Variants in NTF3 observed in about 807,000 individuals in gnomAD.
The protein encoded by NTF3 is neurotrophin-3.
In NTF3, 8 loss-of-function variants were observed where a neutral mutation model predicts 26.3. The observed-to-expected ratio is 0.30, with a 90% CI of 0.18 to 0.55. The LOEUF (loss-of-function observed/expected upper bound fraction) is 0.55. Ranked by LOEUF, NTF3 falls within the 20% of genes least tolerant of loss-of-function variation. The probability of loss-of-function intolerance (pLI) is 0.93; values close to 1 mark genes in which losing one functional copy is unlikely to be tolerated. For synonymous variants in NTF3, 154 were observed against 145.5 expected (o/e 1.06, Z -0.42); for missense variants, 276 against 352.9 (o/e 0.78, Z 1.75).
chr12:5,481,629 A>T (rs562644521), intron 1 of NTF3, among the ~76,000 whole-genome samples: 88 of 86,512 alleles, frequency 1.0e-3, no homozygotes, highest in Admixed American at 7.2e-3. Context: ...ATACACATAC[A>T]TGCACACATA....
chr12:5,492,881 G>A (rs1219303873), intron 1 of NTF3, among the ~76,000 whole-genome samples: 5 of 152,198 alleles, frequency 3.3e-5, no homozygotes, highest in Admixed American at 2.0e-4. Context: ...TCTTGTGTCG[G>A]CTTTGTTTAT....
intron 1 of NTF3, among the ~76,000 whole-genome samples, chr12:5,474,859 G>C (rs1240398825): frequency 2.0e-5 from 3 of 152,170 alleles, no homozygotes; most frequent in African/African-American, 7.2e-5. Context: ...TGGGGGCAGG[G>C]AAGAAAGGAA....
chr12:5,475,743 G>A (rs2121220323), intron 1 of NTF3, among the ~76,000 whole-genome samples: 1 of 152,140 alleles, frequency 6.6e-6, no homozygotes, highest in African/African-American at 2.4e-5. Flanking sequence ...GCTGAGGTGG[G>A]AGGCATCACC....
In NTF3 at chr12:5,494,115, C is replaced by T; in HGVS notation, c.19-79C>T. On this transcript the variant is annotated intron_variant, in intron 1 of 1. Coordinates refer to ENST00000423158, the MANE Select transcript of NTF3 (RefSeq NM_001102654.2). The surrounding 1 kb of genome is among the most constrained non-coding windows in gnomAD (Gnocchi z 8.3). ...TCTCTCGTGCCCTCACAGGGCTACT[C>T]AGCCTCAGGTAGCTGGTGCCAGAAT... 1 of 1,426,002 alleles carries T rather than the reference C, an allele frequency of 7.0e-7. No homozygotes were observed. Among genetic ancestry groups the T allele is most frequent in the Non-Finnish European group, 9.6e-7 (1 of 1,039,452 alleles). The allele number at this position is 1,426,002 out of a possible 1,614,324, so 88.3% of individuals were successfully genotyped here.
chr12:5,441,275 G>A (rs933561300), intron 1 of NTF3, among the ~76,000 whole-genome samples: 10 of 152,148 alleles, frequency 6.6e-5, no homozygotes, highest in African/African-American at 1.9e-4. Context: ...TGAGAATTGG[G>A]AGCTAGTAGA....
intron 1 of NTF3, among the ~76,000 whole-genome samples, chr12:5,476,532 G>A (rs1218902058): frequency 6.6e-6 from 1 of 152,220 alleles, no homozygotes; most frequent in Non-Finnish European, 1.5e-5. Context: ...TGTCTGCTGG[G>A]AGAATAGATG....
intron 1 of NTF3, among the ~76,000 whole-genome samples, chr12:5,475,150 C>T (rs1040144958): frequency 2.0e-5 from 3 of 152,070 alleles, no homozygotes; most frequent in African/African-American, 7.2e-5. Flanking sequence ...GTCATATCCT[C>T]AGATGAGAAG....
At chr12:5,431,433 ACGCCCCTCTAC>A (rs1940085100), upstream of NTF3, among the ~76,000 whole-genome samples, 1 of 151,692 alleles carries the variant, frequency 6.6e-6, no homozygotes, top group African/African-American at 2.4e-5. Flanking sequence ...ACCCGCCCCC[ACGCCCCTCTAC>A]CTTGACCTCC....
intron 1 of NTF3, among the ~76,000 whole-genome samples, chr12:5,439,109 G>C (rs1289954011): frequency 6.6e-6 from 1 of 152,196 alleles, no homozygotes; most frequent in African/African-American, 2.4e-5. Context: ...TTTCTGGTAG[G>C]TCTGATGCTA....
At chr12:5,447,442 A>G (rs1016028409) in intron 1 of NTF3, among the ~76,000 whole-genome samples, 17 of 152,222 alleles carry the variant, frequency 1.1e-4, no homozygotes, top group African/African-American at 3.6e-4. Flanking sequence ...TCTTCAGGCT[A>G]TTTCTGCCTT....
chr12:5,481,638 T>TACTC (rs56249270), intron 1 of NTF3, among the ~76,000 whole-genome samples: 18,845 of 140,760 alleles, frequency 0.13, 1,487 homozygotes, highest in African/African-American at 0.22. Flanking sequence ...CATGCACACA[T>TACTC]ACAGATATAC....
intron 1 of NTF3, among the ~76,000 whole-genome samples, chr12:5,491,488 T>G (rs1940935540): frequency 6.6e-6 from 1 of 152,052 alleles, no homozygotes; most frequent in East Asian, 1.9e-4. Context: ...GGTGCTATCG[T>G]TGGGATCTTG....
rs575762067 is a variant in NTF3, at chr12:5,472,407, A to G, written c.19-21787A>G. 3.3e-5 allele frequency among the ~76,000 whole-genome samples: 5 copies of G among 152,358 alleles called. No individual in the cohort carries two copies. In the East Asian group the frequency reaches 7.7e-4, roughly 23 times the overall value. On this transcript the variant is annotated intron_variant, in intron 1 of 1. Transcript: ENST00000423158. Reference sequence around the variant, plus strand: ...GATTCAGTTTCCTTACATTTAAAATAAAGAAAATATTCGTCCTCATATTGA... The same window carrying G: ...GATTCAGTTTCCTTACATTTAAAATGAAGAAAATATTCGTCCTCATATTGA...
rs532701483 is a variant in NTF3, at chr12:5,436,818, T to A, written c.18+4476T>A. 3.3e-5 allele frequency among the ~76,000 whole-genome samples: 5 copies of A among 152,340 alleles called. No homozygotes were observed. In the East Asian group the frequency reaches 9.6e-4, roughly 29 times the overall value. ...GAGGCAGCCAAACCTAGATTATAGA[T>A]GATGGAAATCTTTAAGATCTTTGAG... On this transcript the variant is annotated intron_variant, in intron 1 of 1. Coordinates refer to ENST00000423158, the MANE Select transcript of NTF3 (RefSeq NM_001102654.2).
At chr12:5,445,483 C>T (rs1424323383) in intron 1 of NTF3, among the ~76,000 whole-genome samples, 2 of 152,102 alleles carry the variant, frequency 1.3e-5, no homozygotes, top group African/African-American at 2.4e-5. Flanking sequence ...GATGGACAGC[C>T]GGCATGCCAT....
chr12:5,449,362 C>A (rs917545514), intron 1 of NTF3, among the ~76,000 whole-genome samples: 1 of 152,216 alleles, frequency 6.6e-6, no homozygotes, highest in Non-Finnish European at 1.5e-5. Context: ...CGGCTCTTCT[C>A]CTTTTTCTCT....
intron 1 of NTF3, among the ~76,000 whole-genome samples, chr12:5,441,477 CCTGGG>C (rs200834402): frequency 0.09 from 13,700 of 152,224 alleles, 651 homozygotes; most frequent in South Asian, 0.12. Flanking sequence ...CATTGCTTAA[CCTGGG>C]ATATTTGCTT....
intron 1 of NTF3, among the ~76,000 whole-genome samples, chr12:5,471,654 A>G (rs773193246): frequency 6.6e-6 from 1 of 151,548 alleles, no homozygotes; most frequent in Non-Finnish European, 1.5e-5. Flanking sequence ...AAGAACAGTG[A>G]GAACTTAACA....
At chr12:5,465,259 C>A (rs1460899308) in intron 1 of NTF3, among the ~76,000 whole-genome samples, 1 of 152,226 alleles carries the variant, frequency 6.6e-6, no homozygotes, top group Non-Finnish European at 1.5e-5. Context: ...GAGCCCGATT[C>A]AAGGCAATAG....
Sources: gnomAD v4.1 joint callset for allele counts (sites outside exome capture counted in the v4.1 genomes callset) on GRCh38, gnomAD v4.1.1 for gene constraint, Gnocchi (gnomAD v3.1) non-coding constraint, MANE v1.5 for transcripts, NCBI Gene and HGNC (gene_info 2026-07-23, HGNC 2026-07-21) for gene names.